The following PTGES2 variants were observed in gnomAD, a reference collection of about 807,000 sequenced individuals.
The protein encoded by PTGES2 is prostaglandin E synthase 2.
A neutral mutation model predicts 44.5 loss-of-function variants in PTGES2; 35 were observed. The observed-to-expected ratio is 0.79, with a 90% CI of 0.60 to 1.04. The LOEUF is 1.04. PTGES2 is among the 50% of genes least tolerant of loss of function. The pLI is 0.00. For synonymous variants in PTGES2, 221 were observed against 227.5 expected (o/e 0.97, Z 0.26); for missense variants, 517 against 521.4 (o/e 0.99, Z 0.08).
In PTGES2 at chr9:128,123,890, C is replaced by T. The variant is rs766804286; in HGVS notation, c.537-39G>A. On this transcript the variant is annotated intron_variant, in intron 3 of 6. Coordinates refer to ENST00000338961, the MANE Select transcript of PTGES2 (RefSeq NM_025072.7). This position sits in a 1 kb window ranked among gnomAD's most constrained non-coding sequence, Gnocchi z 4.4. ...CACAATATCACCCCAACTCCTTCCC[C>T]CTCCGTCCCCTGTGGCCGACCAACC... 26 of 1,597,458 alleles carry T rather than the reference C, an allele frequency of 1.6e-5. No individual in the cohort carries two copies. The highest frequency in any genetic ancestry group is 1.8e-5 in the Non-Finnish European group (21 of 1,167,236).
rs13283456 is a variant in PTGES2, at chr9:128,122,474, C to A, written c.893G>T (p.Arg298Leu). The change falls in exon 6 of 7, where the codon CGC becomes CTC. Residue 298 changes from arginine to leucine, a missense_variant. Coordinates refer to ENST00000338961, the MANE Select transcript of PTGES2 (RefSeq NM_025072.7). ...GTCCTCGCGCACGTTGTCCTGGAGG[C>A]GGTGCCTGGGCGGGGAAGGGAAAAG... ...LISKRLKSRH[R>L]LQDNVREDLY... is the part of the protein sequence containing the mutation. The A allele has an allele frequency of 1.2e-6, 2 of 1,613,624 alleles. No individual in the cohort carries two copies. Among genetic ancestry groups the A allele is most frequent in the East Asian group, 2.2e-5 (1 of 44,882 alleles).
rs1834493581 is a variant in PTGES2 at position 128,123,250 on chromosome 9, C to T, written c.687-116G>A. The T allele has an allele frequency of 8.8e-6, 6 of 683,300 alleles. No individual in the cohort carries two copies. In the Admixed American group the frequency reaches 1.2e-4, roughly 14 times the overall value. The allele number at this position is 683,300 out of a possible 1,614,324, so 42.3% of individuals were successfully genotyped here. The stretch of plus-strand genomic sequence containing the variant: ...GAAGCTGAAGCCTGAGCAGGAAGGT[C>T]TTTTTTTTTTTTTTGAGACAAAGTC... On this transcript the variant is annotated intron_variant, in intron 4 of 6. Transcript: ENST00000338961. This position sits in a 1 kb window ranked among gnomAD's most constrained non-coding sequence, Gnocchi z 4.4.
intron 2 of PTGES2, chr9:128,124,833 A>T (rs1296852776): frequency 7.9e-7 from 1 of 1,266,500 alleles, no homozygotes; most frequent in Non-Finnish European, 1.0e-6. Context: ...TACATACTAG[A>T]CCCCAAGCAC....
intron 2 of PTGES2, 32 bp downstream of exon 2, chr9:128,125,212 A>C: frequency 6.5e-7 from 1 of 1,545,164 alleles, no homozygotes. Flanking sequence ...CCAGGAAAGG[A>C]GGAAGGATGC....
At chr9:128,125,745 C>T (rs1435737208) in intron 1 of PTGES2, among the ~76,000 whole-genome samples, 5 of 152,176 alleles carry the variant, frequency 3.3e-5, no homozygotes, top group Non-Finnish European at 7.4e-5. Flanking sequence ...CCCAAGGGGA[C>T]ACCAGACAGC....
rs531086318 is a variant in PTGES2, at chr9:128,121,134, C to G, written c.*11G>C. On this transcript the variant is annotated 3_prime_UTR_variant, in exon 7 of 7. Coordinates refer to ENST00000338961, the MANE Select transcript of PTGES2 (RefSeq NM_025072.7). ...CTTCCGCTGCCTTCCCTCTGCTCTG[C>G]GCGGGGACATTCAGTGCGCTGGGGA... The G allele has an allele frequency of 1.0e-5, 16 of 1,577,008 alleles. No individual in the cohort carries two copies. Among genetic ancestry groups the G allele is most frequent in the African/African-American group, 1.3e-5 (1 of 74,148 alleles).
chr9:128,122,023 C>T (rs906377557), intron 6 of PTGES2, among the ~76,000 whole-genome samples: 5 of 152,140 alleles, frequency 3.3e-5, no homozygotes, highest in Non-Finnish European at 5.9e-5. Flanking sequence ...CCTGGAGCAC[C>T]GGACCCAGCC....
chr9:128,125,526 T>C (rs1834587389), intron 1 of PTGES2, 85 bp from the exon 2 acceptor site: 1 of 1,254,334 alleles, frequency 8.0e-7, no homozygotes, highest in Non-Finnish European at 1.1e-6. Context: ...CAGAGGAGTC[T>C]TCTGAAATGA....
intron 2 of PTGES2, chr9:128,124,764 C>T: frequency 7.5e-7 from 1 of 1,337,304 alleles, no homozygotes; most frequent in Non-Finnish European, 9.6e-7. Context: ...GGGGTCTAAG[C>T]CCCAGCCCAC....
At chr9:128,122,321 G>T in intron 6 of PTGES2, 41 bp downstream of exon 6, 1 of 1,528,194 alleles carries the variant, frequency 6.5e-7, no homozygotes, top group Non-Finnish European at 9.1e-7. Context: ...TCTGAGGACA[G>T]AACCCTCGGT....
At position 128,122,387 on chromosome 9, in the gene PTGES2, C is replaced by T. The variant is rs779731411; in HGVS notation, c.980G>A (p.Gly327Asp). 7.4e-6 allele frequency: 12 copies of T among 1,613,880 alleles called. No individual in the cohort carries two copies. Among genetic ancestry groups the T allele is most frequent in the South Asian group, 4.4e-5 (4 of 91,090 alleles). The change falls in exon 6 of 7, where the codon GGC (glycine) becomes GAC (aspartate). Residue 327 changes from glycine to aspartate, a missense_variant. Coordinates refer to ENST00000338961, the MANE Select transcript of PTGES2 (RefSeq NM_025072.7). The part of the protein sequence containing the change: ...AVGKDRPFMG[G>D]QKPNLADLAV... ...CAAATCAGCGAGATTCGGCTTCTGG[C>T]CCCCCATGAAGGGCCGGTCCTTGCC...
rs1245257816 is a variant in PTGES2 at position 128,122,980 on chromosome 9, T to C, written c.841A>G (p.Met281Val). Reference sequence around the variant, plus strand: ...ATGAGGTACATGGCCGCTGCACCCATGTACTTGGCCACGGCACCCTCCACG... The same window carrying C: ...ATGAGGTACATGGCCGCTGCACCCACGTACTTGGCCACGGCACCCTCCACG... ...GAVEGAVAKY[M>V]GAAAMYLISK... The change falls in exon 5 of 7, where the codon ATG (methionine) becomes GTG (valine). Residue 281 changes from methionine to valine, a missense_variant. Transcript: ENST00000338961. The C allele has an allele frequency of 1.9e-6, 3 of 1,613,950 alleles. No homozygotes were observed. The highest frequency in any genetic ancestry group is 1.1e-5 in the South Asian group (1 of 91,086).
Position 128,125,395 on chromosome 9 carries a change from G to C in PTGES2, c.326C>G (p.Thr109Arg), listed in dbSNP as rs770518300. Residue 109 changes from threonine to arginine, a missense_variant, in exon 2 of 7, where the codon ACG (threonine) becomes AGG (arginine). Coordinates refer to ENST00000338961, the MANE Select transcript of PTGES2 (RefSeq NM_025072.7). ...TCGGACCTTGCTGCAGAAGGGACAC[G>C]TCTTGTACTGGTACAGGGTCAGCTG... Reference protein sequence around the residue: ...RLQLTLYQYKTCPFCSKVRAF... With the variant: ...RLQLTLYQYKRCPFCSKVRAF... 6.2e-7 allele frequency: 1 copy of C among 1,614,154 alleles called. No homozygotes were observed. Among genetic ancestry groups the C allele is most frequent in the East Asian group, 2.2e-5 (1 of 44,888 alleles).
At position 128,123,731 on chromosome 9, in the gene PTGES2, C is replaced by T. The variant is rs1415386833; in HGVS notation, c.657G>A (p.Gln219=). ...TGGCCTCCTTCCCACCATACACTTG[C>T]TGGGCCTCCTTCTCGTTGAGCATGA... ...YWLMLNEKEA[Q]QVYGGKEART... is the part of the protein sequence containing the mutation. Residue 219 remains glutamine (Q), a synonymous_variant, in exon 4 of 7, where the codon CAG becomes CAA. Transcript: ENST00000338961. This position sits in a 1 kb window ranked among gnomAD's most constrained non-coding sequence, Gnocchi z 4.4. 2 of 1,613,996 alleles carry T rather than the reference C, an allele frequency of 1.2e-6. No homozygotes were observed. Among genetic ancestry groups the T allele is most frequent in the Non-Finnish European group, 1.7e-6 (2 of 1,179,950 alleles).
intron 1 of PTGES2, among the ~76,000 whole-genome samples, chr9:128,127,031 T>G (rs965806251): frequency 3.4e-5 from 5 of 149,080 alleles, no homozygotes; most frequent in African/African-American, 1.2e-4. Context: ...ATACAAAAAT[T>G]AGCAGGGCGC....
chr9:128,123,591 C>G lies in PTGES2; in HGVS notation c.686+111G>C. The G allele has an allele frequency of 8.4e-7, 1 of 1,185,352 alleles. No homozygotes were observed. Among genetic ancestry groups the G allele is most frequent in the Non-Finnish European group, 1.2e-6 (1 of 846,320 alleles). 73.4% of individuals were successfully genotyped at this position (1,185,352 alleles called of 1,614,324 possible). ...ATCCGGCATGGCCCGGCCCCAGCCC[C>G]GCTGGTCTCCCATGCTGCTCCCTGC... On this transcript the variant is annotated intron_variant, in intron 4 of 6. Transcript: ENST00000338961. The surrounding 1 kb of genome is among the most constrained non-coding windows in gnomAD (Gnocchi z 4.4).
At position 128,127,621 on chromosome 9, in the gene PTGES2, G is replaced by C; in HGVS notation, c.97C>G (p.Gln33Glu). 7.9e-7 allele frequency: 1 copy of C among 1,269,016 alleles called. No homozygotes were observed. The highest frequency in any genetic ancestry group is 9.9e-7 in the Non-Finnish European group (1 of 1,008,780). 78.6% of individuals were successfully genotyped at this position (1,269,016 alleles called of 1,614,324 possible). ...GGRPQPLLPTQSRAGFAGAAG... is the reference protein window; with the variant it reads ...GGRPQPLLPTESRAGFAGAAG... The stretch of plus-strand genomic sequence containing the variant: ...GCCCCCGCGAAGCCAGCCCGGCTCT[G>C]CGTGGGTAGCAGCGGCTGGGGGCGG... Residue 33 changes from glutamine to glutamate, a missense_variant, in exon 1 of 7, where the codon CAG becomes GAG. By Grantham distance (29) the Gln-to-Glu change is conservative. Transcript: ENST00000338961.
chr9:128,127,645 G>A lies in PTGES2; in HGVS notation c.73C>T (p.Arg25Cys). The A allele has an allele frequency of 3.1e-6, 4 of 1,272,488 alleles. No homozygotes were observed. The highest frequency in any genetic ancestry group is 1.6e-5 in the African/African-American group (1 of 64,514). 78.8% of individuals were successfully genotyped at this position (1,272,488 alleles called of 1,614,324 possible). Residue 25 changes from arginine to cysteine, a missense_variant, in exon 1 of 7, where the codon CGC becomes TGC. Physicochemically the swap from Arg to Cys is radical, Grantham distance 180 (BLOSUM62 -3). Transcript: ENST00000338961. Reference sequence around the variant, plus strand: ...TGCGTGGGTAGCAGCGGCTGGGGGCGGCCTCCCAGCCTCCAGGCCAAGGCG... The same window carrying A: ...TGCGTGGGTAGCAGCGGCTGGGGGCAGCCTCCCAGCCTCCAGGCCAAGGCG... ...GCALAWRLGG[R>C]PQPLLPTQSR...
chr9:128,127,451 G>C lies in PTGES2; in HGVS notation c.267C>G (p.Arg89=). ...HLRAQDLHAE[R]SAAQLSLSSR... ...GGCCAGGCCTTACCTGCGCGGCTGAGCGCTCTGCGTGGAGGTCCTGGGCGC... is the reference window on the plus strand; with the variant it reads ...GGCCAGGCCTTACCTGCGCGGCTGACCGCTCTGCGTGGAGGTCCTGGGCGC... The change falls in exon 1 of 7, where the codon CGC becomes CGG. Residue 89 remains arginine, a synonymous_variant. Transcript: ENST00000338961. 1 of 1,387,480 alleles carries C rather than the reference G, an allele frequency of 7.2e-7. No homozygotes were observed. Among genetic ancestry groups the C allele is most frequent in the Non-Finnish European group, 9.4e-7 (1 of 1,065,902 alleles). 85.9% of individuals were successfully genotyped at this position (1,387,480 alleles called of 1,614,324 possible). A position where few individuals can be genotyped will look rare whatever the true frequency, so the allele number is the denominator to read the frequency against.
Sources: allele counts gnomAD v4.1 joint callset (sites outside exome capture counted in the v4.1 genomes callset), GRCh38; gene constraint gnomAD v4.1.1; non-coding constraint Gnocchi (gnomAD v3.1); transcripts MANE v1.5; gene names NCBI Gene and HGNC (gene_info 2026-07-23, HGNC 2026-07-21).